The following CREBZF variants were observed in gnomAD, a reference collection of about 807,000 sequenced individuals.
CREBZF encodes HCF-binding transcription factor Zhangfei.
Under a neutral mutation model 21.1 loss-of-function variants are expected in CREBZF, and 8 were observed. The ratio of observed to expected loss-of-function variants is 0.38; its 90% CI spans 0.22 to 0.68. The LOEUF is 0.68. Ranked by LOEUF, CREBZF falls within the 30% of genes least tolerant of loss-of-function variation. The probability of loss-of-function intolerance (pLI) is 0.51; values close to 1 mark genes in which losing one functional copy is unlikely to be tolerated. For missense variants in CREBZF, 518 were observed against 484.3 expected (o/e 1.07, Z -0.65); for synonymous variants, 270 against 223.3 (o/e 1.21, Z -1.86).
upstream of CREBZF, among the ~76,000 whole-genome samples, chr11:85,667,427 G>A (rs895005876): frequency 1.3e-5 from 2 of 152,132 alleles, no homozygotes; most frequent in African/African-American, 4.8e-5. Context: ...ATGACCAATT[G>A]ACATCTAATG....
upstream of CREBZF, chr11:85,665,145 A>T: frequency 2.5e-6 from 1 of 400,974 alleles, no homozygotes; most frequent in Non-Finnish European, 4.6e-6. Flanking sequence ...TTTTCGCCCC[A>T]GTCCCGCCCA....
chr11:85,667,315 T>G (rs1245930470), upstream of CREBZF, among the ~76,000 whole-genome samples: 1 of 151,992 alleles, frequency 6.6e-6, no homozygotes, highest in African/African-American at 2.4e-5. Context: ...TCAGGTGATC[T>G]GCCCGACTCA....
Position 85,660,830 on chromosome 11 carries a change from C to A in CREBZF, c.*2981G>T. 1 of 221,842 alleles carries A rather than the reference C, an allele frequency of 4.5e-6. No homozygotes were observed. The highest frequency in any genetic ancestry group is 9.1e-6 in the Non-Finnish European group (1 of 109,664). 13.7% of individuals were successfully genotyped at this position (221,842 alleles called of 1,614,324 possible). On this transcript the variant is annotated 3_prime_UTR_variant, in exon 1 of 1. Transcript: ENST00000527447. Reference sequence around the variant, plus strand: ...TCAATTAATGTATGAACTCCTGCCACCATCAAAAGACAAATATTAAAAAGC... The same window carrying A: ...TCAATTAATGTATGAACTCCTGCCAACATCAAAAGACAAATATTAAAAAGC...
In CREBZF at chr11:85,663,470, T is replaced by C; in HGVS notation, c.*341A>G. The C allele has an allele frequency of 1.3e-6, 1 of 785,752 alleles. No homozygotes were observed. 48.7% of individuals were successfully genotyped at this position (785,752 alleles called of 1,614,324 possible). A position where few individuals can be genotyped will look rare whatever the true frequency, so the allele number is the denominator to read the frequency against. ...ACACACAAACTGAGATGTTGCCCAT[T>C]AAAGTAGACAAAGCAGCAGAGCATG... On this transcript the variant is annotated 3_prime_UTR_variant, in exon 1 of 1. Coordinates refer to ENST00000527447, the MANE Select transcript of CREBZF (RefSeq NM_001039618.4).
intron 1 of CREBZF, among the ~76,000 whole-genome samples, chr11:85,673,356 T>A (rs895168192): frequency 2.0e-5 from 3 of 152,208 alleles, no homozygotes; most frequent in Admixed American, 2.0e-4. Context: ...ACCACCACAA[T>A]AAAGTGAATA....
In CREBZF at chr11:85,663,764, A is replaced by G. The variant is rs1427466667; in HGVS notation, c.*47T>C. 3.2e-6 allele frequency: 5 copies of G among 1,584,414 alleles called. No homozygotes were observed. In the Admixed American group the frequency reaches 5.2e-5, roughly 16 times the overall value. On this transcript the variant is annotated 3_prime_UTR_variant, in exon 1 of 1. Transcript: ENST00000527447. ...ACTAAGGTAAGTTTGACATGGTGTA[A>G]GGGAGTTGAAAGGGGTAAACGCGGA... is the stretch of plus-strand genomic sequence containing the variant.
intron 1 of CREBZF, among the ~76,000 whole-genome samples, chr11:85,670,282 A>AC (rs2082903335): frequency 4.3e-5 from 1 of 23,344 alleles, no homozygotes; most frequent in Non-Finnish European, 7.8e-5. Flanking sequence ...CCCCCCCCCC[A>AC]CAATAAGATC....
At chr11:85,677,742 C>T (rs1448943438) in intron 1 of CREBZF, among the ~76,000 whole-genome samples, 1 of 152,182 alleles carries the variant, frequency 6.6e-6, no homozygotes, top group African/African-American at 2.4e-5. Context: ...TTTAGTGATG[C>T]TAAGATTGAT....
rs754177896 is a variant in CREBZF, at chr11:85,664,601, G to C, written c.275C>G (p.Pro92Arg). ...EMEEEAIASL[P>R]GEETEDMDFL... is the part of the protein sequence containing the mutation. ...GTCCATATCCTCCGTCTCTTCCCCC[G>C]GGAGGCTGGCGATCGCCTCCTCCTC... The change falls in exon 1 of 1, where the codon CCG (proline) becomes CGG (arginine). Residue 92 changes from proline to arginine, a missense_variant. Physicochemically the swap from Pro to Arg is moderately radical, Grantham distance 103. Transcript: ENST00000527447. The surrounding 1 kb of genome is among the most constrained non-coding windows in gnomAD (Gnocchi z 5.5). The C allele has an allele frequency of 3.7e-6, 6 of 1,613,718 alleles. No individual in the cohort carries two copies. The highest frequency in any genetic ancestry group is 4.2e-6 in the Non-Finnish European group (5 of 1,179,896).
rs370694333 is a variant in CREBZF at position 85,670,350 on chromosome 11, G to C, written n.148-6749C>G. On this transcript the variant is annotated intron_variant and non_coding_transcript_variant, in intron 1 of 3. Transcript: ENST00000531515. ...GACGGAGTCTCGCTCTGTCACCCAGGTGGAGTGCAGTGGCGCAATCTCTGC... is the reference window on the plus strand; with the variant it reads ...GACGGAGTCTCGCTCTGTCACCCAGCTGGAGTGCAGTGGCGCAATCTCTGC... Among the ~76,000 whole-genome samples, 574 of 134,796 alleles carry C rather than the reference G, an allele frequency of 4.3e-3. 1 individual carries two copies. The highest frequency in any genetic ancestry group is 0.026 in the South Asian group (105 of 4,114). The allele number at this position is 134,796 out of a possible 152,430, so 88.4% of individuals were successfully genotyped here. A position where few individuals can be genotyped will look rare whatever the true frequency, so the allele number is the denominator to read the frequency against.
intron 1 of CREBZF, among the ~76,000 whole-genome samples, chr11:85,679,302 T>C (rs1410253326): frequency 6.6e-6 from 1 of 152,220 alleles, no homozygotes; most frequent in Non-Finnish European, 1.5e-5. Flanking sequence ...TGTCCTCCTA[T>C]TGTTCAGCAT....
At chr11:85,671,361 A>G (rs996306812) in intron 1 of CREBZF, among the ~76,000 whole-genome samples, 1 of 152,214 alleles carries the variant, frequency 6.6e-6, no homozygotes, top group Non-Finnish European at 1.5e-5. Context: ...GTGGGGACAC[A>G]GCCAAACAAC....
At chr11:85,677,703 G>T (rs972425189) in intron 1 of CREBZF, among the ~76,000 whole-genome samples, 8 of 152,182 alleles carry the variant, frequency 5.3e-5, no homozygotes, top group Admixed American at 2.0e-4. Context: ...TATTGCACCA[G>T]CAGGCACACA....
chr11:85,679,202 A>G (rs1242795460), intron 1 of CREBZF, among the ~76,000 whole-genome samples: 6 of 152,188 alleles, frequency 3.9e-5, no homozygotes, highest in Admixed American at 3.9e-4. Context: ...CAGTCTTTAC[A>G]CATTCTACAG....
At chr11:85,665,172 A>G (rs2082841717), upstream of CREBZF, 2 of 380,148 alleles carry the variant, frequency 5.3e-6, no homozygotes, top group Admixed American at 4.5e-5. Flanking sequence ...TTCGCGCGCC[A>G]CCAGGCCGTA....
chr11:85,673,650 A>G (rs551115293), intron 1 of CREBZF, among the ~76,000 whole-genome samples: 1 of 152,222 alleles, frequency 6.6e-6, no homozygotes, highest in South Asian at 2.1e-4. Flanking sequence ...AAAATATGAC[A>G]GTAAAGTTTG....
chr11:85,676,677 C>G (rs989095567), intron 1 of CREBZF, among the ~76,000 whole-genome samples: 6 of 151,888 alleles, frequency 4.0e-5, no homozygotes, highest in Admixed American at 1.3e-4. Context: ...CACTTTGTCA[C>G]CCAGGCTGGA....
upstream of CREBZF, among the ~76,000 whole-genome samples, chr11:85,668,204 A>G (rs891498011): frequency 6.6e-6 from 1 of 152,088 alleles, no homozygotes. Flanking sequence ...CTTTCTTAGA[A>G]TTTTCTAGCT....
rs1293735378 is a variant in CREBZF, at chr11:85,661,981, T to A, written c.*1830A>T. On this transcript the variant is annotated 3_prime_UTR_variant, in exon 1 of 1. Coordinates refer to ENST00000527447, the MANE Select transcript of CREBZF (RefSeq NM_001039618.4). ...TGGTTTATATATATATATATATATG[T>A]ATATATATATATAATTCAGTAGGCA... The A allele has an allele frequency of 6.7e-6, 1 of 148,268 alleles. No homozygotes were observed. The highest frequency in any genetic ancestry group is 2.5e-5 in the African/African-American group (1 of 40,688). The allele number at this position is 148,268 out of a possible 1,614,324, so 9.2% of individuals were successfully genotyped here.
Sources: gnomAD v4.1 joint callset for allele counts (sites outside exome capture counted in the v4.1 genomes callset) on GRCh38, gnomAD v4.1.1 for gene constraint, Gnocchi (gnomAD v3.1) non-coding constraint, MANE v1.5 for transcripts, NCBI Gene and HGNC (gene_info 2026-07-23, HGNC 2026-07-21) for gene names.